Variants in RGSL1 observed in about 807,000 individuals in gnomAD.
The protein encoded by RGSL1 is regulator of G protein signaling protein-like.
RGSL1 carries 97 observed loss-of-function variants against 124.7 expected under a neutral mutation model. The observed-to-expected ratio is 0.78, with a 90% CI of 0.66 to 0.92. The LOEUF (loss-of-function observed/expected upper bound fraction) is 0.92, where lower values mean the gene tolerates loss of function less well. Ranked by LOEUF, RGSL1 falls within the 40% of genes least tolerant of loss-of-function variation. RGSL1 has a pLI of 0.00. For synonymous variants in RGSL1, 424 were observed against 438.1 expected (o/e 0.97, Z 0.40); for missense variants, 1,233 against 1,288.4 (o/e 0.96, Z 0.66).
At chr1:182,544,167 T>C (rs1212294252) in intron 15 of RGSL1, among the ~76,000 whole-genome samples, 1 of 152,078 alleles carries the variant, frequency 6.6e-6, no homozygotes, top group Non-Finnish European at 1.5e-5. Context: ...ACTGCTTTTG[T>C]TGTATCCCAT....
At chr1:182,505,773 T>C (rs1656765216) in intron 9 of RGSL1, among the ~76,000 whole-genome samples, 1 of 152,202 alleles carries the variant, frequency 6.6e-6, no homozygotes, top group East Asian at 1.9e-4. Context: ...TGTTTTCTGA[T>C]GTACTTGTAA....
At chr1:182,482,023 A>G (rs896838462) in intron 6 of RGSL1, among the ~76,000 whole-genome samples, 3 of 152,198 alleles carry the variant, frequency 2.0e-5, no homozygotes, top group African/African-American at 7.2e-5. Context: ...AGCCTATTAA[A>G]AGAATTATAC....
At chr1:182,454,169 A>G (rs549622460) in intron 2 of RGSL1, 129 bp downstream of exon 2, 1 of 633,108 alleles carries the variant, frequency 1.6e-6, no homozygotes, top group Non-Finnish European at 2.8e-6. Context: ...TTAAATAAAA[A>G]AACTCTTTTA....
intron 4 of RGSL1, among the ~76,000 whole-genome samples, chr1:182,466,371 G>A (rs1653331619): frequency 6.6e-6 from 1 of 152,062 alleles, no homozygotes; most frequent in African/African-American, 2.4e-5. Context: ...AAAGAAAGAG[G>A]TCAAATGATC....
Position 182,553,555 on chromosome 1 carries a change from G to T in RGSL1, c.3130+14G>T, listed in dbSNP as rs536273032. 1.9e-6 allele frequency: 3 copies of T among 1,549,920 alleles called. No individual in the cohort carries two copies. The highest frequency in any genetic ancestry group is 1.7e-4 in the Middle Eastern group (1 of 5,990). On this transcript the variant is annotated intron_variant, in intron 19 of 21. Coordinates refer to ENST00000294854, the MANE Select transcript of RGSL1 (RefSeq NM_001137669.2). ...CAGTTCAAAATTGTGAGTTGGAATT[G>T]GATCCCCACTGATAGTTTGCTACTC...
upstream of RGSL1, among the ~76,000 whole-genome samples, chr1:182,448,680 T>C (rs1021982287): frequency 2.0e-5 from 3 of 152,188 alleles, no homozygotes; most frequent in Non-Finnish European, 4.4e-5. Flanking sequence ...AGGTAATTCT[T>C]ATTACCACAC....
intron 2 of RGSL1, among the ~76,000 whole-genome samples, chr1:182,454,252 A>T (rs1309748377): frequency 6.6e-6 from 1 of 152,182 alleles, no homozygotes; most frequent in Non-Finnish European, 1.5e-5. Flanking sequence ...ATGTCATCAG[A>T]TCCTAAATCC....
chr1:182,545,188 T>G (rs1660133166), intron 15 of RGSL1, among the ~76,000 whole-genome samples: 1 of 152,144 alleles, frequency 6.6e-6, no homozygotes, highest in Non-Finnish European at 1.5e-5. Context: ...CTATGAGGCT[T>G]ACCAAAATAT....
chr1:182,539,653 C>T (rs1659761377), intron 14 of RGSL1, among the ~76,000 whole-genome samples: 1 of 152,168 alleles, frequency 6.6e-6, no homozygotes, highest in African/African-American at 2.4e-5. Flanking sequence ...ACCTGAATCC[C>T]TACGAATAGA....
At chr1:182,504,923 G>A (rs1052228291) in intron 9 of RGSL1, among the ~76,000 whole-genome samples, 2 of 152,134 alleles carry the variant, frequency 1.3e-5, no homozygotes, top group Non-Finnish European at 2.9e-5. Context: ...TCAGCCAGAG[G>A]TGAAAGTTTT....
At chr1:182,480,716 A>G (rs1041218977) in intron 6 of RGSL1, among the ~76,000 whole-genome samples, 2 of 152,264 alleles carry the variant, frequency 1.3e-5, no homozygotes, top group South Asian at 4.2e-4. Flanking sequence ...TCAGCCTCCC[A>G]AAGTGCTGGG....
At chr1:182,506,891 C>T (rs762403120) in intron 9 of RGSL1, among the ~76,000 whole-genome samples, 1 of 151,708 alleles carries the variant, frequency 6.6e-6, no homozygotes, top group African/African-American at 2.4e-5. Flanking sequence ...TTTCCTTGCA[C>T]TGGAACAATT....
Position 182,488,994 on chromosome 1 carries a change from C to A in RGSL1, c.1509C>A (p.Phe503Leu), listed in dbSNP as rs1213137291. ...WFLLFTTQNR[F>L]ISSRQHKREF... is the part of the protein sequence containing the mutation. The stretch of plus-strand genomic sequence containing the variant: ...TCTTCTCTTAGACACAGAACAGGTT[C>A]ATCAGCTCCAGACAGCATAAAAGAG... The change falls in exon 8 of 22, where the codon TTC becomes TTA. Residue 503 changes from phenylalanine (F) to leucine (L), a missense_variant. Phe to Leu is a conservative substitution (Grantham distance 22). Coordinates refer to ENST00000294854, the MANE Select transcript of RGSL1 (RefSeq NM_001137669.2). 3 of 1,550,688 alleles carry A rather than the reference C, an allele frequency of 1.9e-6. No individual in the cohort carries two copies. The highest frequency in any genetic ancestry group is 2.6e-6 in the Non-Finnish European group (3 of 1,146,920).
At chr1:182,560,081 G>A (rs1018094192) in intron 21 of RGSL1, among the ~76,000 whole-genome samples, 198 bp from the exon 22 acceptor site, 1 of 152,206 alleles carries the variant, frequency 6.6e-6, no homozygotes, top group African/African-American at 2.4e-5. Context: ...TGCTGGAAAC[G>A]CAGTGGAGAA....
At chr1:182,540,459 G>C in intron 15 of RGSL1, 38 bp downstream of exon 15, 14 of 1,530,280 alleles carry the variant, frequency 9.1e-6, no homozygotes, top group Non-Finnish European at 1.2e-5. Flanking sequence ...CCCTGAAAAT[G>C]ACTTTTCATC....
Position 182,454,039 on chromosome 1 carries a change from C to T in RGSL1, c.95C>T (p.Pro32Leu), listed in dbSNP as rs547793483. Reference protein sequence around the residue: ...ADFFNTFLSLPVFGQTPFYTV... With the variant: ...ADFFNTFLSLLVFGQTPFYTV... ...TTTTTCAACACATTTCTTTCCCTCCCGGTAAGCATTCTCAGATTTAAATAC... is the reference window on the plus strand; with the variant it reads ...TTTTTCAACACATTTCTTTCCCTCCTGGTAAGCATTCTCAGATTTAAATAC... The change falls in exon 2 of 22, where the codon CCG becomes CTG. Residue 32 changes from proline to leucine, a missense_variant and splice_region_variant. Transcript: ENST00000294854. The T allele has an allele frequency of 1.7e-5, 26 of 1,491,882 alleles. No homozygotes were observed. In the Admixed American group the frequency reaches 2.0e-4, roughly 11 times the overall value. The allele number at this position is 1,491,882 out of a possible 1,614,324, so 92.4% of individuals were successfully genotyped here. A position where few individuals can be genotyped will look rare whatever the true frequency, so the allele number is the denominator to read the frequency against.
intron 9 of RGSL1, among the ~76,000 whole-genome samples, chr1:182,498,460 C>T (rs1323373569): frequency 6.6e-6 from 1 of 152,212 alleles, no homozygotes; most frequent in African/African-American, 2.4e-5. Flanking sequence ...AGTGTCACTG[C>T]AATCAGATCT....
chr1:182,553,520 G>A lies in RGSL1; in HGVS notation c.3109G>A (p.Ala1037Thr), dbSNP rs759160860. The A allele has an allele frequency of 6.4e-6, 10 of 1,551,814 alleles. No individual in the cohort carries two copies. The highest frequency in any genetic ancestry group is 8.7e-6 in the Non-Finnish European group (10 of 1,147,006). Residue 1037 changes from alanine (A) to threonine (T), a missense_variant, in exon 19 of 22, where the codon GCA (alanine) becomes ACA (threonine). Transcript: ENST00000294854. ...GIEWLQPQRE[A>T]ISSVQNSSSS... is the part of the protein sequence containing the mutation. The stretch of plus-strand genomic sequence containing the variant: ...TGAGTGGTTGCAGCCTCAACGGGAA[G>A]CAATAAGTTCAGTTCAAAATTGTGA...
intron 20 of RGSL1, 69 bp downstream of exon 20, chr1:182,554,762 G>C: frequency 2.1e-6 from 3 of 1,460,366 alleles, no homozygotes; most frequent in Non-Finnish European, 2.8e-6. Context: ...ATAGGAGATG[G>C]TATAAACTTT....
Sources: allele counts gnomAD v4.1 joint callset (sites outside exome capture counted in the v4.1 genomes callset), GRCh38; gene constraint gnomAD v4.1.1; transcripts MANE v1.5; gene names NCBI Gene and HGNC (gene_info 2026-07-23, HGNC 2026-07-21).